Variants in AOAH observed in about 807,000 individuals in gnomAD.
AOAH encodes the protein acyloxyacyl hydrolase (neutrophil).
AOAH carries 64 observed loss-of-function variants against 92.2 expected under a neutral mutation model. The observed-to-expected ratio is 0.69, with a 90% CI of 0.57 to 0.86. The LOEUF is 0.86. Among genes scored for constraint, AOAH ranks in the 40% least tolerant of loss-of-function variants. AOAH has a pLI of 0.00. For synonymous variants in AOAH, 263 were observed against 254.5 expected, an observed-to-expected ratio of 1.03 and a Z score of -0.32; for missense variants, 656 against 694.6, an observed-to-expected ratio of 0.94 and a Z score of 0.62.
intron 1 of AOAH, among the ~76,000 whole-genome samples, chr7:36,701,279 T>C (rs1798015966): frequency 1.3e-5 from 2 of 151,906 alleles, no homozygotes; most frequent in Non-Finnish European, 2.9e-5. Context: ...GAGTGTTCTG[T>C]AGATGTTAGG....
intron 10 of AOAH, among the ~76,000 whole-genome samples, chr7:36,616,769 C>G (rs1183892752): frequency 2.6e-5 from 4 of 152,190 alleles, no homozygotes; most frequent in African/African-American, 9.7e-5. Flanking sequence ...AAAGCTTTAT[C>G]TGAAATCCGA....
In AOAH at chr7:36,636,413, T is replaced by G. The variant is rs192947272; in HGVS notation, c.450+1438A>C. Among the ~76,000 whole-genome samples, 8 of 152,364 alleles carry G rather than the reference T, an allele frequency of 5.3e-5. No homozygotes were observed. In the East Asian group the frequency reaches 1.5e-3, roughly 29 times the overall value. On this transcript the variant is annotated intron_variant, in intron 5 of 20. Coordinates refer to ENST00000617537, the MANE Select transcript of AOAH (RefSeq NM_001637.4). ...TTAATGCCAAGGCAGTTTTTGCTACTGAAGTAAACAATGCCTGGAGAATAC... is the reference window on the plus strand; with the variant it reads ...TTAATGCCAAGGCAGTTTTTGCTACGGAAGTAAACAATGCCTGGAGAATAC...
intron 1 of AOAH, among the ~76,000 whole-genome samples, chr7:36,690,574 G>A (rs957807487): frequency 2.0e-5 from 3 of 152,172 alleles, no homozygotes; most frequent in Non-Finnish European, 4.4e-5. Context: ...AGAGATGCAC[G>A]GGCAGAGTAA....
At chr7:36,531,979 G>A (rs1344934475) in intron 18 of AOAH, among the ~76,000 whole-genome samples, 168 bp downstream of exon 18, 1 of 152,114 alleles carries the variant, frequency 6.6e-6, no homozygotes, top group Non-Finnish European at 1.5e-5. Context: ...AGGGAGACAG[G>A]GTGCACCAGG....
intron 1 of AOAH, among the ~76,000 whole-genome samples, chr7:36,717,815 G>A (rs1261472762): frequency 7.0e-6 from 1 of 143,742 alleles, no homozygotes; most frequent in Non-Finnish European, 1.5e-5. Context: ...TATATTTGTG[G>A]TGAGGAACTT....
chr7:36,596,928 A>G lies in AOAH; in HGVS notation c.847-2498T>C, dbSNP rs189936674. 6.6e-5 allele frequency among the ~76,000 whole-genome samples: 10 copies of G among 152,328 alleles called. No homozygotes were observed. In the East Asian group the frequency reaches 1.7e-3, roughly 26 times the overall value. On this transcript the variant is annotated intron_variant, in intron 11 of 20. Transcript: ENST00000617537. ...GTTTACTTTCAAAATAATTCCTAGAACAAACAAATGTGTTCAAACGCAGCA... is the reference window on the plus strand; with the variant it reads ...GTTTACTTTCAAAATAATTCCTAGAGCAAACAAATGTGTTCAAACGCAGCA...
intron 6 of AOAH, among the ~76,000 whole-genome samples, chr7:36,627,545 CA>C (rs146066329): frequency 6.9e-5 from 10 of 145,792 alleles, no homozygotes; most frequent in Non-Finnish European, 1.2e-4. Flanking sequence ...GGAAAGCACT[CA>C]AAAAAAAAAC....
chr7:36,709,388 G>C (rs1218415092), intron 1 of AOAH, among the ~76,000 whole-genome samples: 1 of 152,120 alleles, frequency 6.6e-6, no homozygotes, highest in Non-Finnish European at 1.5e-5. Context: ...AGGCAAGGAG[G>C]CCACAGTATA....
chr7:36,519,454 G>A (rs1318696979), intron 20 of AOAH, among the ~76,000 whole-genome samples: 6 of 152,120 alleles, frequency 3.9e-5, no homozygotes, highest in Non-Finnish European at 8.8e-5. Context: ...TTTTGAGATG[G>A]AGTTTCGCTC....
At chr7:36,582,762 C>G (rs1789023335) in intron 12 of AOAH, among the ~76,000 whole-genome samples, 1 of 152,044 alleles carries the variant, frequency 6.6e-6, no homozygotes, top group Admixed American at 6.5e-5. Flanking sequence ...GCTTTGTAGC[C>G]TGCCAGAGAT....
At chr7:36,610,646 C>T (rs1791390358) in intron 11 of AOAH, among the ~76,000 whole-genome samples, 1 of 152,008 alleles carries the variant, frequency 6.6e-6, no homozygotes. Flanking sequence ...CACATTTTCT[C>T]AATCATATAT....
intron 1 of AOAH, among the ~76,000 whole-genome samples, chr7:36,688,972 T>C (rs917162428): frequency 6.6e-6 from 1 of 152,138 alleles, no homozygotes; most frequent in Non-Finnish European, 1.5e-5. Flanking sequence ...TATATAGATA[T>C]ATATGAGATG....
rs28688605 is a variant in AOAH, at chr7:36,678,608, C to T, written c.224-4599G>A. 6.4e-3 allele frequency among the ~76,000 whole-genome samples: 752 copies of T among 118,210 alleles called. 4 individuals are homozygous for T. Among genetic ancestry groups the T allele is most frequent in the African/African-American group, 0.019 (668 of 35,020 alleles). The allele number at this position is 118,210 out of a possible 152,430, so 77.6% of individuals were successfully genotyped here. ...GTGTGTGTGTGTGTGTGTGCGCGCGCGCGCGCGTTAGAATTCTGTTTAGCT... is the reference window on the plus strand; with the variant it reads ...GTGTGTGTGTGTGTGTGTGCGCGCGTGCGCGCGTTAGAATTCTGTTTAGCT... On this transcript the variant is annotated intron_variant, in intron 2 of 20. Coordinates refer to ENST00000617537, the MANE Select transcript of AOAH (RefSeq NM_001637.4).
At chr7:36,643,881 C>T (rs1272398878) in intron 4 of AOAH, among the ~76,000 whole-genome samples, 1 of 152,160 alleles carries the variant, frequency 6.6e-6, no homozygotes, top group Non-Finnish European at 1.5e-5. Context: ...TCCCCTTTGC[C>T]TTCTGCCATG....
At chr7:36,531,900 A>G (rs1784716876) in intron 18 of AOAH, among the ~76,000 whole-genome samples, 1 of 151,770 alleles carries the variant, frequency 6.6e-6, no homozygotes, top group Non-Finnish European at 1.5e-5. Flanking sequence ...GTGTACACAC[A>G]TGTGTACACA....
At chr7:36,706,312 T>C (rs1798406738) in intron 1 of AOAH, among the ~76,000 whole-genome samples, 1 of 152,168 alleles carries the variant, frequency 6.6e-6, no homozygotes. Context: ...AGGTGCATTG[T>C]CAATGAGCAG....
At chr7:36,611,188 A>G (rs377537003) in intron 11 of AOAH, among the ~76,000 whole-genome samples, 1 of 152,198 alleles carries the variant, frequency 6.6e-6, no homozygotes, top group East Asian at 1.9e-4. Context: ...ATGTTAATCT[A>G]GAGAGATTTT....
chr7:36,619,340 G>C (rs550327722), intron 9 of AOAH, among the ~76,000 whole-genome samples: 68 of 152,282 alleles, frequency 4.5e-4, no homozygotes, highest in African/African-American at 1.5e-3. Flanking sequence ...CATCACTGAT[G>C]ATGAGCTCTG....
rs764467064 is a variant in AOAH at position 36,632,751 on chromosome 7, T to C, written c.451-645A>G. Among the ~76,000 whole-genome samples, 61 of 152,306 alleles carry C rather than the reference T, an allele frequency of 4.0e-4. 1 individual carries two copies. The highest frequency in any genetic ancestry group is 8.3e-4 in the South Asian group (4 of 4,822). On this transcript the variant is annotated intron_variant, in intron 5 of 20. Transcript: ENST00000617537. ...GGTAGAAAAGTGAGGCACCAGCATTTATCAATGAAGGGAGAGAGACACTGG... is the reference window on the plus strand; with the variant it reads ...GGTAGAAAAGTGAGGCACCAGCATTCATCAATGAAGGGAGAGAGACACTGG...
Sources: allele counts gnomAD v4.1 joint callset (sites outside exome capture counted in the v4.1 genomes callset), GRCh38; gene constraint gnomAD v4.1.1; transcripts MANE v1.5; gene names NCBI Gene and HGNC (gene_info 2026-07-23, HGNC 2026-07-21).